Variants in SPDYA observed in about 807,000 individuals in gnomAD.
SPDYA encodes speedy protein A.
In SPDYA, 11 loss-of-function variants were observed where a neutral mutation model predicts 36.7. The observed-to-expected ratio is 0.30, with a 90% CI of 0.19 to 0.50. The LOEUF (loss-of-function observed/expected upper bound fraction) is 0.50. Among genes scored for constraint, SPDYA ranks in the 20% least tolerant of loss-of-function variants. The probability of loss-of-function intolerance (pLI) is 0.98; values close to 1 mark genes in which losing one functional copy is unlikely to be tolerated. For missense variants in SPDYA, 287 were observed against 370.9 expected, an observed-to-expected ratio of 0.77 and a Z score of 1.86; for synonymous variants, 115 against 118.7, an observed-to-expected ratio of 0.97 and a Z score of 0.20.
At chr2:28,845,249 C>CTTTTT (rs372229883) in intron 7 of SPDYA, among the ~76,000 whole-genome samples, 15 of 132,570 alleles carry the variant, frequency 1.1e-4, no homozygotes, top group Non-Finnish European at 1.7e-4. Flanking sequence ...CCATGCCCAG[C>CTTTTT]TTTTTTTTTT....
At chr2:28,843,107 C>A (rs1668786194) in intron 7 of SPDYA, among the ~76,000 whole-genome samples, 1 of 152,148 alleles carries the variant, frequency 6.6e-6, no homozygotes, top group Non-Finnish European at 1.5e-5. Context: ...CCTCAATTTG[C>A]AGGTAAAGAC....
At chr2:28,844,125 C>T (rs1269509364) in intron 7 of SPDYA, among the ~76,000 whole-genome samples, 1 of 152,098 alleles carries the variant, frequency 6.6e-6, no homozygotes, top group African/African-American at 2.4e-5. Flanking sequence ...GTTCTAGTCA[C>T]CCAGGTTTAA....
chr2:28,843,088 C>A (rs1668785761), intron 7 of SPDYA, among the ~76,000 whole-genome samples: 1 of 152,160 alleles, frequency 6.6e-6, no homozygotes. Flanking sequence ...CAAACACAAG[C>A]AAACAACTCC....
At chr2:28,841,910 T>C (rs757375668) in intron 7 of SPDYA, 1 of 152,232 alleles carries the variant, frequency 6.6e-6, no homozygotes, top group Non-Finnish European at 1.5e-5. Context: ...CAGCTTCCTT[T>C]ACTCTTTGAT....
chr2:28,819,820 T>TAAAAAAAA (rs1174507151), intron 4 of SPDYA, among the ~76,000 whole-genome samples: 1 of 17,212 alleles, frequency 5.8e-5, no homozygotes, highest in African/African-American at 2.5e-4. Context: ...CCTGGTCTCT[T>TAAAAAAAA]AAAAAAAAAA....
intron 2 of SPDYA, among the ~76,000 whole-genome samples, 165 bp downstream of exon 2, chr2:28,814,851 AAAG>A (rs1442027883): frequency 1.3e-5 from 2 of 152,224 alleles, no homozygotes; most frequent in African/African-American, 4.8e-5. Flanking sequence ...AATCACCACC[AAAG>A]AAGGTGATGA....
At chr2:28,834,064 G>A (rs1415922952) in intron 6 of SPDYA, among the ~76,000 whole-genome samples, 2 of 144,216 alleles carry the variant, frequency 1.4e-5, no homozygotes, top group Non-Finnish European at 3.0e-5. Context: ...CTCCAAAGAA[G>A]GTATGCAAAT....
At position 28,819,848 on chromosome 2, in the gene SPDYA, AAATATATATATATATATATATATATATAT is replaced by A. The variant is rs1241710371; in HGVS notation, c.294+744_294+772del. On this transcript the variant is annotated intron_variant, in intron 4 of 7. Coordinates refer to ENST00000334056, the MANE Select transcript of SPDYA (RefSeq NM_182756.4). ...AAAAAAAAAAAAAAAAAAAAAAAAA[AAATATATATATATATATATATATATATAT>A]ATATATATATATATATATATATATA... Among the ~76,000 whole-genome samples the A allele has an allele frequency of 1.1e-3, 21 of 18,540 alleles. 2 individuals are homozygous for A. The highest frequency in any genetic ancestry group is 1.7e-3 in the African/African-American group (7 of 4,146). The allele number at this position is 18,540 out of a possible 152,430, so 12.2% of individuals were successfully genotyped here.
chr2:28,821,439 G>A (rs1378035511), intron 4 of SPDYA, among the ~76,000 whole-genome samples: 3 of 152,018 alleles, frequency 2.0e-5, no homozygotes, highest in African/African-American at 7.2e-5. Flanking sequence ...CTGACCTTGT[G>A]ATCCACCCGC....
At chr2:28,843,966 A>G (rs1668812147) in intron 7 of SPDYA, among the ~76,000 whole-genome samples, 1 of 152,168 alleles carries the variant, frequency 6.6e-6, no homozygotes, top group South Asian at 2.1e-4. Flanking sequence ...GAGTGAAGCC[A>G]AGGGAAAAAA....
chr2:28,811,625 G>C lies in SPDYA; in HGVS notation c.-93+678G>C, dbSNP rs1466509151. Among the ~76,000 whole-genome samples the C allele has an allele frequency of 1.3e-5, 2 of 151,748 alleles. No homozygotes were observed. The highest frequency in any genetic ancestry group is 2.9e-5 in the Non-Finnish European group (2 of 67,970). On this transcript the variant is annotated intron_variant, in intron 1 of 7. Transcript: ENST00000334056. This position sits in a 1 kb window ranked among gnomAD's most constrained non-coding sequence, Gnocchi z 4.2. ...TCCTTGAGGCCAGGATTCGAGAGCAGCCCACAGCGAAAACCCCGTCTCTAC... is the reference window on the plus strand; with the variant it reads ...TCCTTGAGGCCAGGATTCGAGAGCACCCCACAGCGAAAACCCCGTCTCTAC...
chr2:28,840,477 T>A lies in SPDYA; in HGVS notation c.850+8T>A. On this transcript the variant is annotated splice_region_variant and intron_variant, in intron 7 of 7. Transcript: ENST00000334056. ...CTTATACTGGTTCTGAAGGTATGAT[T>A]TAGTAATATGCCAGAATTAGATTTA... is the stretch of plus-strand genomic sequence containing the variant. 6.2e-7 allele frequency: 1 copy of A among 1,612,436 alleles called. No individual in the cohort carries two copies. The highest frequency in any genetic ancestry group is 1.1e-5 in the South Asian group (1 of 90,646).
chr2:28,841,937 C>T (rs548045276), intron 7 of SPDYA: 16 of 152,262 alleles, frequency 1.1e-4, no homozygotes, highest in African/African-American at 3.9e-4. Flanking sequence ...AATAGGTAAG[C>T]TTTACTGAAT....
At chr2:28,838,638 GGTTA>G (rs1668671222) in intron 6 of SPDYA, among the ~76,000 whole-genome samples, 1 of 152,032 alleles carries the variant, frequency 6.6e-6, no homozygotes, top group South Asian at 2.1e-4. Flanking sequence ...TTCCTAGGTG[GGTTA>G]GTATGTGGAG....
chr2:28,845,037 T>C (rs1276211363), intron 7 of SPDYA, among the ~76,000 whole-genome samples: 2 of 152,154 alleles, frequency 1.3e-5, no homozygotes, highest in African/African-American at 4.8e-5. Flanking sequence ...CCTCCACCTC[T>C]GTCTGCCAAA....
intron 6 of SPDYA, among the ~76,000 whole-genome samples, chr2:28,838,944 T>C (rs979956866): frequency 6.6e-6 from 1 of 152,242 alleles, no homozygotes; most frequent in Admixed American, 6.5e-5. Flanking sequence ...GTTACAGTTC[T>C]CATTTACTTT....
At chr2:28,823,704 T>TAC (rs1668231042) in intron 5 of SPDYA, among the ~76,000 whole-genome samples, 2 of 11,466 alleles carry the variant, frequency 1.7e-4, no homozygotes, top group African/African-American at 4.2e-4. Context: ...AATGCATGAA[T>TAC]ATATATATAT....
At position 28,850,356 on chromosome 2, in the gene SPDYA, T is replaced by G. The variant is rs1167019735; in HGVS notation, c.*415T>G. 5.6e-6 allele frequency: 9 copies of G among 1,610,994 alleles called. No homozygotes were observed. The highest frequency in any genetic ancestry group is 7.6e-6 in the Non-Finnish European group (9 of 1,178,558). On this transcript the variant is annotated 3_prime_UTR_variant, in exon 8 of 8. Coordinates refer to ENST00000334056, the MANE Select transcript of SPDYA (RefSeq NM_182756.4). ...TATGACCAGGTTGCCAGTGTACTGGTCTAGCAACATAGGGAAATGATCCAT... is the reference window on the plus strand; with the variant it reads ...TATGACCAGGTTGCCAGTGTACTGGGCTAGCAACATAGGGAAATGATCCAT...
At chr2:28,812,668 C>A (rs1667876987) in intron 1 of SPDYA, among the ~76,000 whole-genome samples, 1 of 151,686 alleles carries the variant, frequency 6.6e-6, no homozygotes, top group Non-Finnish European at 1.5e-5. Context: ...ACCAGCCTGG[C>A]CAACATGGCG....
Sources: gnomAD v4.1 joint callset for allele counts (sites outside exome capture counted in the v4.1 genomes callset) on GRCh38, gnomAD v4.1.1 for gene constraint, Gnocchi (gnomAD v3.1) non-coding constraint, MANE v1.5 for transcripts, NCBI Gene and HGNC (gene_info 2026-07-23, HGNC 2026-07-21) for gene names.